AGBL1: variants seen among roughly 807,000 people sequenced by gnomAD.
The protein encoded by AGBL1 is AGBL carboxypeptidase 1.
In AGBL1, 130 loss-of-function variants were observed where a neutral mutation model predicts 118.9. That is an observed-to-expected ratio of 1.09 (90% confidence interval 0.95 to 1.26). AGBL1 has a LOEUF of 1.26. AGBL1 is among the 50% of genes most tolerant of loss of function. The pLI, the probability that AGBL1 is intolerant of heterozygous loss-of-function variation, is 0.00. For missense variants in AGBL1, 1,584 were observed against 1,298.1 expected, an observed-to-expected ratio of 1.22 and a Z score of -3.38; for synonymous variants, 555 against 478.9, an observed-to-expected ratio of 1.16 and a Z score of -2.08.
intron 22 of AGBL1, among the ~76,000 whole-genome samples, chr15:86,748,299 A>G (rs1330297210): frequency 6.6e-6 from 1 of 151,948 alleles, no homozygotes; most frequent in East Asian, 1.9e-4. Context: ...GTCTGTTCAT[A>G]TCCTTCACCC....
In AGBL1 at chr15:86,170,836, ACT is replaced by A. The variant is rs562315730; in HGVS notation, c.488+11813_488+11814del. On this transcript the variant is annotated intron_variant, in intron 5 of 22. Transcript: ENST00000614907. ...ACTCCAGCCTGGGCGACTGAGCAAG[ACT>A]CTGTCTCCACAAAAACAAAAACAAA... is the stretch of plus-strand genomic sequence containing the variant. Among the ~76,000 whole-genome samples the A allele has an allele frequency of 2.0e-5, 3 of 151,688 alleles. No individual in the cohort carries two copies. The East Asian group carries it at 5.8e-4, about 29-fold the overall frequency.
chr15:86,153,065 A>C (rs936755936), intron 3 of AGBL1, among the ~76,000 whole-genome samples: 1 of 152,202 alleles, frequency 6.6e-6, no homozygotes, highest in Non-Finnish European at 1.5e-5. Context: ...TGTTGGTGGG[A>C]GTGTAAATTA....
At chr15:86,940,107 CTG>C (rs1228687726) in intron 23 of AGBL1, among the ~76,000 whole-genome samples, 2 of 102,620 alleles carry the variant, frequency 1.9e-5, no homozygotes, top group Non-Finnish European at 3.6e-5. Flanking sequence ...CGGGGTTTCT[CTG>C]TGTTGCTCAG....
At chr15:86,306,949 C>A (rs1038250706) in intron 17 of AGBL1, among the ~76,000 whole-genome samples, 2 of 152,100 alleles carry the variant, frequency 1.3e-5, no homozygotes, top group African/African-American at 4.8e-5. Context: ...TACCTGTTTG[C>A]CATTTGTATG....
Position 86,777,579 on chromosome 15 carries a change from G to C in AGBL1, c.3158+103143G>C, listed in dbSNP as rs187320561. On this transcript the variant is annotated intron_variant, in intron 22 of 22. Transcript: ENST00000614907. The stretch of plus-strand genomic sequence containing the variant: ...TTGCAGATTTATTTAGGGAGAATTG[G>C]GATATTTATGACATTATAATTACCA... Among the ~76,000 whole-genome samples, 497 of 151,864 alleles carry C rather than the reference G, an allele frequency of 3.3e-3. 2 individuals carry two copies. The highest frequency in any genetic ancestry group is 5.9e-3 in the Non-Finnish European group (401 of 67,938).
chr15:86,974,515 T>TTTTATATATTGAATATAA (rs2081151175), intron 23 of AGBL1, among the ~76,000 whole-genome samples: 2 of 138,000 alleles, frequency 1.4e-5, no homozygotes, highest in Non-Finnish European at 3.1e-5. Flanking sequence ...AATATAAATA[T>TTTTATATATTGAATATAA]ATATAATATA....
At chr15:86,149,620 T>G (rs1438210763) in intron 3 of AGBL1, among the ~76,000 whole-genome samples, 1 of 152,110 alleles carries the variant, frequency 6.6e-6, no homozygotes, top group Non-Finnish European at 1.5e-5. Context: ...GCACCCAGAT[T>G]CATAAAGCAA....
intron 21 of AGBL1, among the ~76,000 whole-genome samples, chr15:86,638,576 G>A (rs75476988): frequency 0.072 from 10,995 of 152,108 alleles, 828 homozygotes; most frequent in African/African-American, 0.18. Flanking sequence ...TTATCTCCAA[G>A]ACTCCTGTCA....
chr15:86,503,604 T>G (rs2082941735), intron 18 of AGBL1, among the ~76,000 whole-genome samples: 1 of 151,356 alleles, frequency 6.6e-6, no homozygotes, highest in Non-Finnish European at 1.5e-5. Context: ...TTTTGTTTTA[T>G]CCTATAAGGT....
At chr15:86,923,339 G>T (rs12916341) in intron 23 of AGBL1, among the ~76,000 whole-genome samples, 1 of 151,940 alleles carries the variant, frequency 6.6e-6, no homozygotes, top group East Asian at 1.9e-4. Context: ...CTGCCTTGCC[G>T]GGCTTGTCTT....
chr15:86,473,186 G>C (rs2142106138), intron 18 of AGBL1, among the ~76,000 whole-genome samples: 1 of 152,232 alleles, frequency 6.6e-6, no homozygotes, highest in South Asian at 2.1e-4. Context: ...AAAAATATAG[G>C]TTTGGGTACT....
chr15:86,262,895 G>A lies in AGBL1; in HGVS notation c.1086+1G>A, dbSNP rs746918783. The A allele has an allele frequency of 6.8e-5, 109 of 1,593,506 alleles. No homozygotes were observed. The highest frequency in any genetic ancestry group is 9.2e-5 in the Non-Finnish European group (107 of 1,166,908). On this transcript the variant is annotated splice_donor_variant, in intron 10 of 22. Transcript: ENST00000614907. LOFTEE classifies it high-confidence loss of function. Reference sequence around the variant, plus strand: ...TCTTGAGCTCTCCTATAGCTTTGAGGTAGGACATATGCTGTGGTTCTGATC... The same window carrying A: ...TCTTGAGCTCTCCTATAGCTTTGAGATAGGACATATGCTGTGGTTCTGATC...
At chr15:86,594,406 A>G (rs1198439678) in intron 21 of AGBL1, among the ~76,000 whole-genome samples, 1 of 152,192 alleles carries the variant, frequency 6.6e-6, no homozygotes, top group Non-Finnish European at 1.5e-5. Context: ...AAGTAATGTT[A>G]GTTTCAGAAA....
chr15:86,549,877 A>C (rs1005171813), intron 20 of AGBL1, among the ~76,000 whole-genome samples: 3 of 47,442 alleles, frequency 6.3e-5, no homozygotes, highest in South Asian at 7.2e-4. Flanking sequence ...AAGGGTGGGG[A>C]GGGGAGTGGA....
intron 24 of AGBL1, among the ~76,000 whole-genome samples, chr15:86,996,484 A>C (rs1472704279): frequency 6.6e-6 from 1 of 152,148 alleles, no homozygotes; most frequent in African/African-American, 2.4e-5. Context: ...GCATGTAGCC[A>C]TGCTTTATTT....
intron 22 of AGBL1, among the ~76,000 whole-genome samples, chr15:86,692,853 A>G (rs1240475438): frequency 6.6e-6 from 1 of 152,128 alleles, no homozygotes; most frequent in Non-Finnish European, 1.5e-5. Context: ...GTGAGAACAT[A>G]CAATGTTTGG....
chr15:86,196,411 C>T (rs1248222038), intron 5 of AGBL1, among the ~76,000 whole-genome samples: 4 of 152,080 alleles, frequency 2.6e-5, no homozygotes, highest in Admixed American at 6.6e-5. Flanking sequence ...GCCATTTGTT[C>T]CTAGAGCCCT....
At chr15:86,503,748 C>T (rs1000308242) in intron 18 of AGBL1, among the ~76,000 whole-genome samples, 2 of 151,076 alleles carry the variant, frequency 1.3e-5, no homozygotes, top group Admixed American at 6.6e-5. Context: ...CCCAAACTTC[C>T]CTCTGCTATT....
At chr15:86,700,468 TACAC>T (rs67457435) in intron 22 of AGBL1, among the ~76,000 whole-genome samples, 4,580 of 114,680 alleles carry the variant, frequency 0.04, 97 homozygotes, top group Non-Finnish European at 0.049. Context: ...AGCAGACTAA[TACAC>T]ACACACACAC....
Sources: allele counts gnomAD v4.1 joint callset (sites outside exome capture counted in the v4.1 genomes callset), GRCh38; gene constraint gnomAD v4.1.1; transcripts MANE v1.5; gene names NCBI Gene and HGNC (gene_info 2026-07-23, HGNC 2026-07-21).